DCHS1: variants seen among roughly 807,000 people sequenced by gnomAD.
DCHS1 encodes dachsous cadherin-related 1.
In DCHS1, 78 loss-of-function variants were observed where a neutral mutation model predicts 213.9. The ratio of observed to expected loss-of-function variants is 0.36; its 90% CI spans 0.30 to 0.44. The LOEUF (loss-of-function observed/expected upper bound fraction) is 0.44. Among genes scored for constraint, DCHS1 ranks in the 20% least tolerant of loss-of-function variants. The pLI, the probability that DCHS1 is intolerant of heterozygous loss-of-function variation, is 1.00. For missense variants in DCHS1, 3,946 were observed against 4,395.9 expected, an observed-to-expected ratio of 0.90 and a Z score of 2.89; for synonymous variants, 1,828 against 1,873.7, an observed-to-expected ratio of 0.98 and a Z score of 0.63.
At position 6,621,946 on chromosome 11, in the gene DCHS1, A is replaced by G; in HGVS notation, c.9730T>C (p.Ser3244Pro). 2.5e-6 allele frequency: 4 copies of G among 1,613,136 alleles called. No homozygotes were observed. Among genetic ancestry groups the G allele is most frequent in the Non-Finnish European group, 2.5e-6 (3 of 1,179,684 alleles). ...GGGGACATGGCAGCTGAGGACAGGG[A>G]GCCTTCATGGCTGATGGGGGAGCGG... ...SHRSPISHEG[S>P]LSSAAMSPSF... The change falls in exon 21 of 21, where the codon TCC becomes CCC. Residue 3244 changes from serine to proline, a missense_variant. Ser to Pro is a moderately conservative substitution (Grantham distance 74). Around this residue, in one of 3 missense-constraint regions of DCHS1, gnomAD observed 554 missense variants for 590.2 expected, o/e 0.94. Coordinates refer to ENST00000299441, the MANE Select transcript of DCHS1 (RefSeq NM_003737.4).
intron 2 of DCHS1, among the ~76,000 whole-genome samples, chr11:6,639,167 T>G (rs1856028897): frequency 6.6e-6 from 1 of 152,006 alleles, no homozygotes; most frequent in Non-Finnish European, 1.5e-5. Context: ...TCCTAACTAC[T>G]GCTTTGTGTT....
In DCHS1 at chr11:6,640,621, C is replaced by T. The variant is rs375129127; in HGVS notation, c.993G>A (p.Val331=). ...GAGCCCCACCATCTCGTGCTTGCAC[C>T]ACCAGTTCATGGACCCGCCGCTGCT... is the stretch of plus-strand genomic sequence containing the variant. ...DFEQRRVHEL[V]VQARDGGAHP... is the part of the protein sequence containing the mutation. Residue 331 remains valine (V), a synonymous_variant, in exon 2 of 21, where the codon GTG becomes GTA. Transcript: ENST00000299441. The surrounding 1 kb of genome is among the most constrained non-coding windows in gnomAD (Gnocchi z 6.5). 8 of 1,609,742 alleles carry T rather than the reference C, an allele frequency of 5.0e-6. No individual in the cohort carries two copies. The highest frequency in any genetic ancestry group is 6.8e-6 in the Non-Finnish European group (8 of 1,179,866).
chr11:6,649,130 C>G (rs539022450), intron 1 of DCHS1, among the ~76,000 whole-genome samples: 2 of 151,764 alleles, frequency 1.3e-5, no homozygotes, highest in South Asian at 4.2e-4. Context: ...CACACAGTAA[C>G]TCTGCAGTAA....
chr11:6,644,049 G>C (rs534129118), intron 1 of DCHS1, among the ~76,000 whole-genome samples: 6 of 152,222 alleles, frequency 3.9e-5, no homozygotes, highest in Non-Finnish European at 7.4e-5. Context: ...TGTGATTCCT[G>C]CAACAGCTCC....
chr11:6,623,005 G>A lies in DCHS1; in HGVS notation c.8671C>T (p.Arg2891Trp), dbSNP rs756232598. The A allele has an allele frequency of 5.7e-6, 9 of 1,570,688 alleles. 1 individual carries two copies. Among genetic ancestry groups the A allele is most frequent in the South Asian group, 3.5e-5 (3 of 85,744 alleles). Residue 2891 changes from arginine to tryptophan, a missense_variant, in exon 21 of 21, where the codon CGG becomes TGG. Physicochemically the swap from Arg to Trp is moderately radical, Grantham distance 101 (BLOSUM62 -3). This residue lies in a region of DCHS1 where 554 missense variants were observed against 590.2 expected (regional missense o/e 0.94). Coordinates refer to ENST00000299441, the MANE Select transcript of DCHS1 (RefSeq NM_003737.4). ...TATSGGGGRT[R>W]REAPRELRLE... ...CTCAGCTCCCGTGGTGCTTCCCGCC[G>A]GGTCCGGCCCCCACCCCCAGAGGTG...
At position 6,625,639 on chromosome 11, in the gene DCHS1, G is replaced by A. The variant is rs747850327; in HGVS notation, c.6820C>T (p.Arg2274Cys). The change falls in exon 18 of 21, where the codon CGC (arginine) becomes TGC (cysteine). Residue 2274 changes from arginine (R) to cysteine (C), a missense_variant. Arg to Cys is a radical substitution (Grantham distance 180). Around this residue, in one of 3 missense-constraint regions of DCHS1, gnomAD observed 3,384 missense variants for 3,780.1 expected, o/e 0.90. Coordinates refer to ENST00000299441, the MANE Select transcript of DCHS1 (RefSeq NM_003737.4). The surrounding 1 kb of genome is among the most constrained non-coding windows in gnomAD (Gnocchi z 5.3). ...TCCCAGGGTTGGGGGATGGTGGGGCGATTGTCATTGGTGTCGATGACCATC... is the reference window on the plus strand; with the variant it reads ...TCCCAGGGTTGGGGGATGGTGGGGCAATTGTCATTGGTGTCGATGACCATC... Reference protein sequence around the residue: ...TVMVIDTNDNRPTIPQPWELR... With the variant: ...TVMVIDTNDNCPTIPQPWELR... 13 of 1,613,448 alleles carry A rather than the reference G, an allele frequency of 8.1e-6. No homozygotes were observed. In the African/African-American group the frequency reaches 9.3e-5, roughly 12 times the overall value.
chr11:6,630,549 C>T lies in DCHS1; in HGVS notation c.4245G>A (p.Ala1415=). 1 of 1,533,592 alleles carries T rather than the reference C, an allele frequency of 6.5e-7. No homozygotes were observed. Among genetic ancestry groups the T allele is most frequent in the Non-Finnish European group, 8.7e-7 (1 of 1,147,180 alleles). The allele number at this position is 1,533,592 out of a possible 1,614,324, so 95.0% of individuals were successfully genotyped here. ...CCTGCACTCGCAGCAGCCGCGCGCCCGCGCCTCCCGGCCCCTCAGCGCGTA... is the reference window on the plus strand; with the variant it reads ...CCTGCACTCGCAGCAGCCGCGCGCCTGCGCCTCCCGGCCCCTCAGCGCGTA... ...LTVRAEGPGG[A]GARLLRVQVQ... The change falls in exon 10 of 21, where the codon GCG becomes GCA. Residue 1415 remains alanine, a synonymous_variant. Coordinates refer to ENST00000299441, the MANE Select transcript of DCHS1 (RefSeq NM_003737.4).
intron 1 of DCHS1, among the ~76,000 whole-genome samples, chr11:6,652,862 G>C (rs1276466953): frequency 6.6e-6 from 1 of 152,070 alleles, no homozygotes; most frequent in African/African-American, 2.4e-5. Flanking sequence ...TGATCCCACT[G>C]CCTAAAGAGC....
At chr11:6,650,525 CCT>C (rs974216489) in intron 1 of DCHS1, among the ~76,000 whole-genome samples, 4 of 152,262 alleles carry the variant, frequency 2.6e-5, no homozygotes, top group African/African-American at 9.6e-5. Context: ...TCCAGTCTTG[CCT>C]CTGTTACCAC....
Position 6,640,409 on chromosome 11 carries a change from T to A in DCHS1, c.1205A>T (p.Asn402Ile). The A allele has an allele frequency of 6.2e-7, 1 of 1,613,978 alleles. No individual in the cohort carries two copies. The highest frequency in any genetic ancestry group is 2.2e-5 in the East Asian group (1 of 44,886). The change falls in exon 2 of 21, where the codon AAT (asparagine) becomes ATT (isoleucine). Residue 402 changes from asparagine to isoleucine, a missense_variant. Physicochemically the swap from Asn to Ile is moderately radical, Grantham distance 149. Transcript: ENST00000299441. This position sits in a 1 kb window ranked among gnomAD's most constrained non-coding sequence, Gnocchi z 6.5. ...DPDDGDFAHV[N>I]VSLEGGEGHF... The stretch of plus-strand genomic sequence containing the variant: ...GCCCTCTCCACCTTCCAGGGACACA[T>A]TGACATGGGCAAAGTCACCATCATC...
rs781246336 is a variant in DCHS1 at position 6,641,322 on chromosome 11, T to A, written c.292A>T (p.Ser98Cys). ...ACACGGGCTGTACGGACGACCCCAC[T>A]GTGTTCGTCAATGGCCAGGTCTGTG... The part of the protein sequence containing the change: ...VGTDLAIDEH[S>C]GVVRTARVLD... The change falls in exon 2 of 21, where the codon AGT (serine) becomes TGT (cysteine). Residue 98 changes from serine (S) to cysteine (C), a missense_variant. By Grantham distance (112) the Ser-to-Cys change is moderately radical (BLOSUM62 -1). Transcript: ENST00000299441. This position sits in a 1 kb window ranked among gnomAD's most constrained non-coding sequence, Gnocchi z 7.1. 6.2e-7 allele frequency: 1 copy of A among 1,613,634 alleles called. No homozygotes were observed. The highest frequency in any genetic ancestry group is 1.1e-5 in the South Asian group (1 of 91,084).
In DCHS1 at chr11:6,641,628, A is replaced by G. The variant is rs141915363; in HGVS notation, c.-15T>C. On this transcript the variant is annotated 5_prime_UTR_variant, in exon 2 of 21. Transcript: ENST00000299441. This position sits in a 1 kb window ranked among gnomAD's most constrained non-coding sequence, Gnocchi z 7.1. ...TCCTTCTGCATGACAAGGGTAGTCC[A>G]GCTGTGCCTTGGGCTCCAGCTCCAG... 9.7e-4 allele frequency: 1,475 copies of G among 1,528,458 alleles called. 2 individuals carry two copies. The highest frequency in any genetic ancestry group is 1.5e-3 in the Admixed American group (77 of 49,960). The allele number at this position is 1,528,458 out of a possible 1,614,324, so 94.7% of individuals were successfully genotyped here.
In DCHS1 at chr11:6,634,175, G is replaced by A. The variant is rs1355172567; in HGVS notation, c.1929C>T (p.Thr643=). ...TTGAGGGCCCCTGGTCACGGTCCAGGGTCCGGGTTGTGCACACATCACCGC... is the reference window on the plus strand; with the variant it reads ...TTGAGGGCCCCTGGTCACGGTCCAGAGTCCGGGTTGTGCACACATCACCGC... The part of the protein sequence containing the change: ...AHSGDVCTTR[T]LDRDQGPSSF... The change falls in exon 3 of 21, where the codon ACC becomes ACT. Residue 643 remains threonine, a synonymous_variant. Coordinates refer to ENST00000299441, the MANE Select transcript of DCHS1 (RefSeq NM_003737.4). 2.5e-6 allele frequency: 4 copies of A among 1,613,384 alleles called. No individual in the cohort carries two copies. The African/African-American group carries it at 4.0e-5, about 16-fold the overall frequency.
Position 6,639,488 on chromosome 11 carries a change from C to T in DCHS1, c.1797+329G>A, listed in dbSNP as rs12271375. 0.11 allele frequency among the ~76,000 whole-genome samples: 17,436 copies of T among 152,208 alleles called. 1,840 individuals carry two copies. Among genetic ancestry groups the T allele is most frequent in the African/African-American group, 0.28 (11,602 of 41,480 alleles). On this transcript the variant is annotated intron_variant, in intron 2 of 20. Coordinates refer to ENST00000299441, the MANE Select transcript of DCHS1 (RefSeq NM_003737.4). ...TGGTGTCTTCTTTGGGGAACAGAAG[C>T]CACATACGTATGTAGAATCTCCATC...
chr11:6,655,504 G>A lies in DCHS1; in HGVS notation c.-121+59C>T, dbSNP rs1417376441. ...CTCCGCCGCCGCTGCCGCAGCCCAG[G>A]GGAGGCCGGCGGGCAGGGCGGGCGC... On this transcript the variant is annotated intron_variant, in intron 1 of 20. Coordinates refer to ENST00000299441, the MANE Select transcript of DCHS1 (RefSeq NM_003737.4). 1.6e-5 allele frequency: 15 copies of A among 950,414 alleles called. 1 individual carries two copies. Among genetic ancestry groups the A allele is most frequent in the Non-Finnish European group, 1.9e-5 (15 of 799,244 alleles). The allele number at this position is 950,414 out of a possible 1,614,324, so 58.9% of individuals were successfully genotyped here.
Position 6,631,726 on chromosome 11 carries a change from G to GT in DCHS1, c.3564_3565insA (p.Pro1189ThrfsTer15). On this transcript the variant is annotated frameshift_variant, in exon 7 of 21. Coordinates refer to ENST00000299441, the MANE Select transcript of DCHS1 (RefSeq NM_003737.4). LOFTEE classifies it high-confidence loss of function. ...ACAGTGCCTGTGGTGCTGCGGGGTG[G>GT]GCTCCCTCCATCCTGCACCTGCACC... 1 of 1,609,696 alleles carries GT rather than the reference G, an allele frequency of 6.2e-7. No individual in the cohort carries two copies.
Position 6,632,579 on chromosome 11 carries a change from C to A in DCHS1, c.2933G>T (p.Arg978Leu). 1.3e-6 allele frequency: 2 copies of A among 1,509,608 alleles called. No homozygotes were observed. The highest frequency in any genetic ancestry group is 1.8e-6 in the Non-Finnish European group (2 of 1,125,810). 93.5% of individuals were successfully genotyped at this position (1,509,608 alleles called of 1,614,324 possible). ...LEARDGGSPP[R>L]TSHFRLRVVV... ...CACCCGTAGTCGAAAGTGGCTGGTGCGTGGTGGGGAGCCCCCATCCCGGGC... is the reference window on the plus strand; with the variant it reads ...CACCCGTAGTCGAAAGTGGCTGGTGAGTGGTGGGGAGCCCCCATCCCGGGC... The change falls in exon 6 of 21, where the codon CGC becomes CTC. Residue 978 changes from arginine to leucine, a missense_variant. Physicochemically the swap from Arg to Leu is moderately radical, Grantham distance 102 (BLOSUM62 -2). Transcript: ENST00000299441. The surrounding 1 kb of genome is among the most constrained non-coding windows in gnomAD (Gnocchi z 5.9).
rs780584449 is a variant in DCHS1 at position 6,626,324 on chromosome 11, G to A, written c.6421C>T (p.Arg2141Ter). 1.2e-6 allele frequency: 2 copies of A among 1,613,518 alleles called. No individual in the cohort carries two copies. Among genetic ancestry groups the A allele is most frequent in the South Asian group, 1.1e-5 (1 of 90,948 alleles). ...GLDFEVSPRL[R>*]LVLQAESGGA... ...CCACTCTCTGCCTGCAGCACCAGTCGCAGCCGTGGACTCACCTCGAAGTCT... is the reference window on the plus strand; with the variant it reads ...CCACTCTCTGCCTGCAGCACCAGTCACAGCCGTGGACTCACCTCGAAGTCT... The change falls in exon 16 of 21, where the codon CGA becomes TGA. Residue 2141 changes from arginine to a stop codon, truncating the protein, a stop_gained. Coordinates refer to ENST00000299441, the MANE Select transcript of DCHS1 (RefSeq NM_003737.4). LOFTEE classifies it high-confidence loss of function. The surrounding 1 kb of genome is among the most constrained non-coding windows in gnomAD (Gnocchi z 5.2).
chr11:6,633,709 G>A (rs756385968), intron 4 of DCHS1, 61 bp from the exon 5 acceptor site: 15 of 1,602,934 alleles, frequency 9.4e-6, no homozygotes, highest in Non-Finnish European at 1.0e-5. Context: ...GAAAGGTTAT[G>A]GAGGAGGTGG....
Sources: gnomAD v4.1 joint callset for allele counts (sites outside exome capture counted in the v4.1 genomes callset) on GRCh38, gnomAD v4.1.1 for gene constraint, gnomAD v4.1.1 regional missense constraint, Gnocchi (gnomAD v3.1) non-coding constraint, MANE v1.5 for transcripts, NCBI Gene and HGNC (gene_info 2026-07-23, HGNC 2026-07-21) for gene names.